The following ACAD10 variants were observed in gnomAD, a reference collection of about 807,000 sequenced individuals.
ACAD10 encodes acyl-CoA dehydrogenase family member 10.
Under a neutral mutation model 116.8 loss-of-function variants are expected in ACAD10, and 112 were observed. The observed-to-expected ratio is 0.96, with a 90% CI of 0.82 to 1.12. ACAD10 has a LOEUF of 1.12. Ranked by LOEUF, ACAD10 falls within the 50% of genes most tolerant of loss-of-function variation. The pLI, the probability that ACAD10 is intolerant of heterozygous loss-of-function variation, is 0.00. For synonymous variants in ACAD10, 486 were observed against 510.6 expected (o/e 0.95, Z 0.65); for missense variants, 1,259 against 1,350.2 (o/e 0.93, Z 1.06).
At chr12:111,702,376 C>T in intron 3 of ACAD10, 66 bp downstream of exon 3, 3 of 1,560,162 alleles carry the variant, frequency 1.9e-6, no homozygotes, top group Non-Finnish European at 2.6e-6. Context: ...TTGCAACATT[C>T]ATGTATAAGT....
At chr12:111,718,594 C>T (rs1353596444) in intron 7 of ACAD10, among the ~76,000 whole-genome samples, 1 of 152,116 alleles carries the variant, frequency 6.6e-6, no homozygotes, top group Non-Finnish European at 1.5e-5. Context: ...ATTCTCCTGT[C>T]TCAGCCTCCT....
chr12:111,725,201 T>C (rs1296383218), intron 8 of ACAD10, among the ~76,000 whole-genome samples: 4 of 152,148 alleles, frequency 2.6e-5, no homozygotes, highest in African/African-American at 9.7e-5. Flanking sequence ...TCAGACAGCA[T>C]GCATCTCTCA....
At position 111,746,025 on chromosome 12, in the gene ACAD10, G is replaced by A. The variant is rs531690699; in HGVS notation, c.2116-119G>A. On this transcript the variant is annotated intron_variant, in intron 13 of 20. Transcript: ENST00000313698. ...CCAGCTCCTCATATCATTTTTTTGGGCACACGTGCATGTTTGGTTGTCTGC... is the reference window on the plus strand; with the variant it reads ...CCAGCTCCTCATATCATTTTTTTGGACACACGTGCATGTTTGGTTGTCTGC... The A allele has an allele frequency of 2.0e-3, 2,576 of 1,303,462 alleles. 3 individuals are homozygous for A. The highest frequency in any genetic ancestry group is 2.4e-3 in the Non-Finnish European group (2,262 of 960,394). The allele number at this position is 1,303,462 out of a possible 1,614,324, so 80.7% of individuals were successfully genotyped here.
At chr12:111,689,686 T>G (rs1410671617) in intron 1 of ACAD10, among the ~76,000 whole-genome samples, 1 of 151,254 alleles carries the variant, frequency 6.6e-6, no homozygotes. Flanking sequence ...CTGTGTGTGT[T>G]TGTTTTGTTT....
intron 1 of ACAD10, among the ~76,000 whole-genome samples, chr12:111,687,080 C>T (rs942859210): frequency 6.6e-6 from 1 of 152,070 alleles, no homozygotes; most frequent in African/African-American, 2.4e-5. Context: ...TAGATACTGA[C>T]ACAATCAATG....
intron 8 of ACAD10, among the ~76,000 whole-genome samples, chr12:111,727,131 C>T (rs1350058868): frequency 6.6e-6 from 1 of 152,098 alleles, no homozygotes; most frequent in East Asian, 1.9e-4. Context: ...GAGGCTGAGG[C>T]AGGATAATCG....
At chr12:111,701,650 G>A (rs770355671) in intron 2 of ACAD10, among the ~76,000 whole-genome samples, 1 of 152,130 alleles carries the variant, frequency 6.6e-6, no homozygotes, top group Non-Finnish European at 1.5e-5. Context: ...GGGTGACTGA[G>A]TGAGGCTTTT....
rs537406628 is a variant in ACAD10, at chr12:111,753,088, G to T, written c.2818-684G>T. The T allele has an allele frequency of 2.8e-3, 479 of 169,158 alleles. 2 individuals carry two copies. Among genetic ancestry groups the T allele is most frequent in the Non-Finnish European group, 4.5e-3 (347 of 77,932 alleles). 10.5% of individuals were successfully genotyped at this position (169,158 alleles called of 1,614,324 possible). ...GAGCCCGGGAGGCGGAGGTTGCAGT[G>T]AGCCAAGATCACGCCACTGCACTCC... On this transcript the variant is annotated intron_variant, in intron 18 of 20. Transcript: ENST00000313698.
chr12:111,728,213 C>A (rs1296064701), intron 9 of ACAD10, 70 bp downstream of exon 9: 10 of 1,462,944 alleles, frequency 6.8e-6, no homozygotes, highest in Non-Finnish European at 9.2e-6. Flanking sequence ...GGATCTGAAT[C>A]GTTTTGGGTC....
intron 10 of ACAD10, among the ~76,000 whole-genome samples, chr12:111,730,947 CAAT>C (rs1889370009): frequency 6.6e-6 from 1 of 151,940 alleles, no homozygotes; most frequent in South Asian, 2.1e-4. Flanking sequence ...TCCAAAAATA[CAAT>C]ACATTTTTAG....
In ACAD10 at chr12:111,749,257, C is replaced by T. The variant is rs751290561; in HGVS notation, c.2729C>T (p.Ala910Val). 3.0e-5 allele frequency: 48 copies of T among 1,614,060 alleles called. No individual in the cohort carries two copies. In the Admixed American group the frequency reaches 7.5e-4, roughly 25 times the overall value. Residue 910 changes from alanine (A) to valine (V), a missense_variant, in exon 18 of 21, where the codon GCC (alanine) becomes GTC (valine). Transcript: ENST00000313698. ...GGCCCTGGCCGAGGCTTTGAGATCG[C>T]CCAGGGCAGACTGGGCCCCGGCAGG... ...VLGPGRGFEI[A>V]QGRLGPGRIH...
At chr12:111,701,886 A>G (rs1002344075) in intron 2 of ACAD10, among the ~76,000 whole-genome samples, 1 of 152,192 alleles carries the variant, frequency 6.6e-6, no homozygotes. Context: ...AGATCAAGGA[A>G]TAAAATTCAT....
intron 18 of ACAD10, among the ~76,000 whole-genome samples, chr12:111,749,995 G>A (rs1317175877): frequency 6.6e-6 from 1 of 151,438 alleles, no homozygotes; most frequent in Admixed American, 6.6e-5. Context: ...GGAAGGTCTC[G>A]ATCCCTTGAC....
chr12:111,755,977 C>T, intron 20 of ACAD10: 1 of 703,798 alleles, frequency 1.4e-6, no homozygotes, highest in Non-Finnish European at 2.3e-6. Flanking sequence ...AGTGACTTGT[C>T]CAGGTCACTG....
intron 13 of ACAD10, among the ~76,000 whole-genome samples, 193 bp from the exon 14 acceptor site, chr12:111,745,951 C>T (rs1406414022): frequency 6.6e-6 from 1 of 150,926 alleles, no homozygotes; most frequent in African/African-American, 2.4e-5. Flanking sequence ...ATGTGATCCT[C>T]CCACTTCAGC....
At chr12:111,688,978 G>A (rs1272041223) in intron 1 of ACAD10, among the ~76,000 whole-genome samples, 1 of 152,034 alleles carries the variant, frequency 6.6e-6, no homozygotes, top group African/African-American at 2.4e-5. Context: ...GGATAATGAG[G>A]TCAAGAGATC....
In ACAD10 at chr12:111,749,040, C is replaced by T. The variant is rs765601693; in HGVS notation, c.2645-133C>T. On this transcript the variant is annotated intron_variant, in intron 17 of 20. Coordinates refer to ENST00000313698, the MANE Select transcript of ACAD10 (RefSeq NM_025247.6). ...TTTCCTGCCGTCCTTTTCCCTTTAA[C>T]CATGTCCCAGTAAGAAGGCTAAATA... is the stretch of plus-strand genomic sequence containing the variant. The T allele has an allele frequency of 1.1e-5, 17 of 1,612,998 alleles. No homozygotes were observed. In the African/African-American group the frequency reaches 2.3e-4, roughly 22 times the overall value.
chr12:111,722,368 A>ATTATTTATTTATTTAT (rs1245952499), intron 8 of ACAD10, among the ~76,000 whole-genome samples: 52 of 143,588 alleles, frequency 3.6e-4, no homozygotes, highest in Middle Eastern at 3.6e-3. Flanking sequence ...CCGGCCCTAA[A>ATTATTTATTTATTTAT]CTATTTATTT....
chr12:111,699,063 G>C (rs1185237420), intron 2 of ACAD10, among the ~76,000 whole-genome samples: 1 of 152,034 alleles, frequency 6.6e-6, no homozygotes. Context: ...ATTTTTTGTA[G>C]AGATGGGTTT....
Sources: gnomAD v4.1 joint callset for allele counts (sites outside exome capture counted in the v4.1 genomes callset) on GRCh38, gnomAD v4.1.1 for gene constraint, MANE v1.5 for transcripts, NCBI Gene and HGNC (gene_info 2026-07-23, HGNC 2026-07-21) for gene names.